The following SPOCK3 variants were observed in gnomAD, a reference collection of about 807,000 sequenced individuals.
SPOCK3 encodes SPARC (osteonectin), cwcv and kazal like domains proteoglycan 3, also known as testican-3.
A neutral mutation model predicts 56.6 loss-of-function variants in SPOCK3; 30 were observed. The observed-to-expected ratio is 0.53, with a 90% CI of 0.40 to 0.72. The LOEUF is 0.72. SPOCK3 is among the 30% of genes least tolerant of loss of function. The pLI, the probability that SPOCK3 is intolerant of heterozygous loss-of-function variation, is 0.00. For missense variants in SPOCK3, 527 were observed against 530.0 expected (o/e 0.99, Z 0.06); for synonymous variants, 196 against 183.3 (o/e 1.07, Z -0.56).
chr4:166,933,376 C>T (rs1561025228), intron 4 of SPOCK3, among the ~76,000 whole-genome samples: 1 of 152,292 alleles, frequency 6.6e-6, no homozygotes, highest in East Asian at 1.9e-4. Flanking sequence ...CCACCTCTCC[C>T]CTCACTCTGC....
chr4:166,986,832 C>T (rs1402818354), intron 4 of SPOCK3, among the ~76,000 whole-genome samples: 1 of 152,076 alleles, frequency 6.6e-6, no homozygotes. Context: ...ACAACACACA[C>T]ACATGCACAC....
intron 2 of SPOCK3, among the ~76,000 whole-genome samples, chr4:167,202,428 G>T (rs1454664662): frequency 1.3e-5 from 2 of 151,904 alleles, no homozygotes; most frequent in South Asian, 2.1e-4. Flanking sequence ...ATAAAATATA[G>T]TCAGCTTTGT....
intron 6 of SPOCK3, among the ~76,000 whole-genome samples, chr4:166,869,820 G>C (rs1181993367): frequency 6.6e-6 from 1 of 152,042 alleles, no homozygotes; most frequent in Non-Finnish European, 1.5e-5. Context: ...CAATTTCATA[G>C]AGATACAGCA....
chr4:167,202,589 C>T (rs923939481), intron 2 of SPOCK3, among the ~76,000 whole-genome samples: 1 of 151,948 alleles, frequency 6.6e-6, no homozygotes, highest in Non-Finnish European at 1.5e-5. Context: ...ATGAAATTAA[C>T]TGTTATAATT....
rs532703002 is a variant in SPOCK3, at chr4:167,007,181, T to C, written c.236-6718A>G. On this transcript the variant is annotated intron_variant, in intron 3 of 10. Coordinates refer to ENST00000357545, the MANE Select transcript of SPOCK3 (RefSeq NM_001040159.2). Reference sequence around the variant, plus strand: ...ATACCCTGGCTTCTGGCTCTATTCTTCTGTGGCTAACACAGTATATATACA... The same window carrying C: ...ATACCCTGGCTTCTGGCTCTATTCTCCTGTGGCTAACACAGTATATATACA... 1.1e-4 allele frequency among the ~76,000 whole-genome samples: 17 copies of C among 152,284 alleles called. No individual in the cohort carries two copies. The South Asian group carries it at 3.3e-3, about 30-fold the overall frequency.
At chr4:167,097,379 T>G (rs1000905214) in intron 2 of SPOCK3, among the ~76,000 whole-genome samples, 2 of 151,830 alleles carry the variant, frequency 1.3e-5, no homozygotes, top group African/African-American at 4.8e-5. Context: ...TCATTTTTTT[T>G]TCTCTTTTCT....
chr4:166,833,477 T>C (rs1746296897), intron 6 of SPOCK3, among the ~76,000 whole-genome samples: 1 of 152,192 alleles, frequency 6.6e-6, no homozygotes, highest in Admixed American at 6.5e-5. Flanking sequence ...GTATGTGTAT[T>C]TCCTTTTGGT....
intron 4 of SPOCK3, among the ~76,000 whole-genome samples, chr4:166,926,970 C>A (rs1057401804): frequency 3.9e-5 from 6 of 151,978 alleles, no homozygotes; most frequent in African/African-American, 1.5e-4. Context: ...ATGCTTAAAT[C>A]CCTGAAAAAG....
chr4:167,076,946 T>C (rs1757241389), intron 2 of SPOCK3, among the ~76,000 whole-genome samples: 1 of 151,910 alleles, frequency 6.6e-6, no homozygotes, highest in Admixed American at 6.6e-5. Context: ...TATAATTCAG[T>C]CAAGTCTGCA....
At chr4:166,934,183 C>A (rs1740104424) in intron 4 of SPOCK3, among the ~76,000 whole-genome samples, 1 of 151,658 alleles carries the variant, frequency 6.6e-6, no homozygotes, top group Non-Finnish European at 1.5e-5. Flanking sequence ...ATTATGAAAC[C>A]ACATACATAA....
intron 2 of SPOCK3, among the ~76,000 whole-genome samples, chr4:167,107,046 CT>C (rs973867321): frequency 1.3e-5 from 2 of 151,760 alleles, no homozygotes; most frequent in African/African-American, 4.8e-5. Context: ...CCAGGACCCA[CT>C]GGCTTCACTG....
At chr4:166,738,499 A>C (rs1272581309) in intron 9 of SPOCK3, among the ~76,000 whole-genome samples, 1 of 150,422 alleles carries the variant, frequency 6.6e-6, no homozygotes, top group Non-Finnish European at 1.5e-5. Context: ...TTGAAGTTTT[A>C]GGGTACACGT....
chr4:166,813,631 T>A (rs1744074156), intron 6 of SPOCK3, among the ~76,000 whole-genome samples: 1 of 151,836 alleles, frequency 6.6e-6, no homozygotes, highest in African/African-American at 2.4e-5. Flanking sequence ...TAAAATATAA[T>A]TAGATATCAA....
intron 3 of SPOCK3, among the ~76,000 whole-genome samples, chr4:167,002,945 A>G (rs1749096293): frequency 6.6e-6 from 1 of 152,200 alleles, no homozygotes; most frequent in African/African-American, 2.4e-5. Context: ...TATATGTCAT[A>G]TACTCCTTTT....
chr4:167,056,702 T>C (rs1393695450), intron 3 of SPOCK3, among the ~76,000 whole-genome samples: 1 of 151,766 alleles, frequency 6.6e-6, no homozygotes, highest in East Asian at 1.9e-4. Context: ...GAAGATGAAA[T>C]GAATGAAATG....
chr4:167,223,579 C>A lies in SPOCK3; in HGVS notation c.189+10406G>T, dbSNP rs1736287669. 2.6e-5 allele frequency among the ~76,000 whole-genome samples: 4 copies of A among 151,810 alleles called. No individual in the cohort carries two copies. The South Asian group carries it at 8.3e-4, about 31-fold the overall frequency. The stretch of plus-strand genomic sequence containing the variant: ...CCCTGACTGATACTAGCTGTGTGAT[C>A]TTGGCCCTGAGTTTCCTCAGCTGCA... On this transcript the variant is annotated intron_variant, in intron 2 of 10. Transcript: ENST00000357545.
At position 166,877,081 on chromosome 4, in the gene SPOCK3, A is replaced by G. The variant is rs2126966409; in HGVS notation, c.589+12049T>C. ...AACAACCAAAAGAATGAAATACCAT[A>G]GTGGTTAAAGTGGCTACCTCTAATC... On this transcript the variant is annotated intron_variant, in intron 6 of 10. Transcript: ENST00000357545. Among the ~76,000 whole-genome samples, 2 of 152,276 alleles carry G rather than the reference A, an allele frequency of 1.3e-5. 1 individual carries two copies. The highest frequency in any genetic ancestry group is 4.1e-4 in the South Asian group (2 of 4,832).
At chr4:166,914,889 A>G (rs1203485256) in intron 4 of SPOCK3, among the ~76,000 whole-genome samples, 1 of 152,174 alleles carries the variant, frequency 6.6e-6, no homozygotes, top group African/African-American at 2.4e-5. Context: ...AGTTGTTCTT[A>G]TTCCTTCCAG....
intron 2 of SPOCK3, among the ~76,000 whole-genome samples, chr4:167,153,105 G>C (rs2150420211): frequency 6.6e-6 from 1 of 152,254 alleles, no homozygotes; most frequent in South Asian, 2.1e-4. Context: ...CCATTCTACA[G>C]ATGATAAAAC....
Sources: allele counts gnomAD v4.1 joint callset (sites outside exome capture counted in the v4.1 genomes callset), GRCh38; gene constraint gnomAD v4.1.1; transcripts MANE v1.5; gene names NCBI Gene and HGNC (gene_info 2026-07-23, HGNC 2026-07-21).